The following PRKAG2 variants were observed in gnomAD, a reference collection of about 807,000 sequenced individuals.
The protein encoded by PRKAG2 is protein kinase AMP-activated non-catalytic subunit gamma 2.
PRKAG2 carries 26 observed loss-of-function variants against 69.6 expected under a neutral mutation model. The ratio of observed to expected loss-of-function variants is 0.37; its 90% CI spans 0.27 to 0.52. PRKAG2 has a LOEUF of 0.52. Ranked by LOEUF, PRKAG2 falls within the 20% of genes least tolerant of loss-of-function variation. The probability of loss-of-function intolerance (pLI) is 0.90; values close to 1 mark genes in which losing one functional copy is unlikely to be tolerated. For synonymous variants in PRKAG2, 293 were observed against 285.0 expected, an observed-to-expected ratio of 1.03 and a Z score of -0.28; for missense variants, 557 against 740.0, an observed-to-expected ratio of 0.75 and a Z score of 2.87.
At chr7:151,827,212 G>A (rs771651493) in intron 1 of PRKAG2, among the ~76,000 whole-genome samples, 1 of 152,136 alleles carries the variant, frequency 6.6e-6, no homozygotes, top group African/African-American at 2.4e-5. Flanking sequence ...AGTGGGAACT[G>A]GGATTTTTAT....
intron 4 of PRKAG2, among the ~76,000 whole-genome samples, chr7:151,668,897 A>G (rs1231255153): frequency 6.6e-6 from 1 of 152,212 alleles, no homozygotes; most frequent in African/African-American, 2.4e-5. Flanking sequence ...TTCCTAGGAG[A>G]AAAAGATGGG....
intron 1 of PRKAG2, among the ~76,000 whole-genome samples, chr7:151,870,136 G>GAT (rs2151913234): frequency 7.7e-6 from 1 of 129,560 alleles, no homozygotes; most frequent in Admixed American, 8.2e-5. Flanking sequence ...TAGATAGATA[G>GAT]ATAGATAGAT....
chr7:151,669,893 C>CACACCTGCATGCACAT, intron 4 of PRKAG2, among the ~76,000 whole-genome samples: 1 of 151,696 alleles, frequency 6.6e-6, no homozygotes, highest in African/African-American at 2.4e-5. Context: ...TGCATGCACA[C>CACACCTGCATGCACAT]ACACCTGCAT....
intron 4 of PRKAG2, among the ~76,000 whole-genome samples, chr7:151,667,972 T>G (rs1264579983): frequency 6.6e-6 from 1 of 152,230 alleles, no homozygotes; most frequent in African/African-American, 2.4e-5. Flanking sequence ...GAAAAACTGA[T>G]GTAGTATCAG....
intron 4 of PRKAG2, among the ~76,000 whole-genome samples, chr7:151,656,953 A>G (rs982295070): frequency 6.6e-6 from 1 of 152,128 alleles, no homozygotes. Context: ...CCTGGCCAAC[A>G]TGGTGAAACC....
chr7:151,565,227 C>T, intron 13 of PRKAG2, 119 bp downstream of exon 13: 1 of 858,028 alleles, frequency 1.2e-6, no homozygotes, highest in Non-Finnish European at 1.7e-6. Flanking sequence ...ATAATATCCT[C>T]ACACCCCAAA....
chr7:151,690,445 C>T (rs2536085), intron 3 of PRKAG2, among the ~76,000 whole-genome samples: 101,463 of 152,046 alleles, frequency 0.67, 34,486 homozygotes, highest in Middle Eastern at 0.77. Context: ...TGCTCTTCCC[C>T]GAAAGGTTCC....
chr7:151,799,654 C>T (rs1254843349), intron 1 of PRKAG2, among the ~76,000 whole-genome samples: 2 of 152,222 alleles, frequency 1.3e-5, no homozygotes, highest in Non-Finnish European at 2.9e-5. Flanking sequence ...CCTGTCGTGT[C>T]CTCCAGACTG....
chr7:151,756,466 C>T lies in PRKAG2; in HGVS notation c.466+24686G>A, dbSNP rs1042354064. On this transcript the variant is annotated intron_variant, in intron 3 of 15. Coordinates refer to ENST00000287878, the MANE Select transcript of PRKAG2 (RefSeq NM_016203.4). The surrounding 1 kb of genome is among the most constrained non-coding windows in gnomAD (Gnocchi z 4.9). ...GCAACGACTCAGTGGTGCCTCCAGG[C>T]GAGCGGGTACCTGCGCTGCTCTCAT... is the stretch of plus-strand genomic sequence containing the variant. Among the ~76,000 whole-genome samples, 8 of 152,226 alleles carry T rather than the reference C, an allele frequency of 5.3e-5. No homozygotes were observed. The South Asian group carries it at 8.3e-4, about 16-fold the overall frequency.
intron 1 of PRKAG2, among the ~76,000 whole-genome samples, chr7:151,791,847 G>A (rs1013773296): frequency 1.3e-5 from 2 of 152,200 alleles, no homozygotes; most frequent in Admixed American, 6.5e-5. Flanking sequence ...ACATTAGTAT[G>A]TCCTTCTGAA....
rs192583664 is a variant in PRKAG2 at position 151,809,084 on chromosome 7, G to T, written c.115-22543C>A. 5.4e-3 allele frequency among the ~76,000 whole-genome samples: 826 copies of T among 152,352 alleles called. 7 individuals carry two copies. Among genetic ancestry groups the T allele is most frequent in the Middle Eastern group, 0.014 (4 of 294 alleles). On this transcript the variant is annotated intron_variant, in intron 1 of 15. Coordinates refer to ENST00000287878, the MANE Select transcript of PRKAG2 (RefSeq NM_016203.4). The stretch of plus-strand genomic sequence containing the variant: ...TACGCCTTGCACGGATGAGTATGGG[G>T]TGACTCAGAGGGAAGGGGTGGTGGC...
chr7:151,814,976 G>T lies in PRKAG2; in HGVS notation c.115-28435C>A. On this transcript the variant is annotated intron_variant, in intron 1 of 15. Transcript: ENST00000287878. The surrounding 1 kb of genome is among the most constrained non-coding windows in gnomAD (Gnocchi z 4.8). ...AGGAGCAGAGGCCGATGATGCAGCA[G>T]TGGACAGCTCTGGGCTCCAGGTCCT... The T allele has an allele frequency of 1.3e-6, 1 of 796,846 alleles. No homozygotes were observed. The highest frequency in any genetic ancestry group is 1.7e-6 in the Non-Finnish European group (1 of 591,670). 49.4% of individuals were successfully genotyped at this position (796,846 alleles called of 1,614,324 possible).
chr7:151,708,793 TG>T (rs1405899183), intron 3 of PRKAG2, among the ~76,000 whole-genome samples: 1 of 152,192 alleles, frequency 6.6e-6, no homozygotes, highest in Non-Finnish European at 1.5e-5. Context: ...GGAGTGCCCT[TG>T]GTGAGGCAGG....
intron 4 of PRKAG2, among the ~76,000 whole-genome samples, chr7:151,667,143 G>T (rs146103676): frequency 6.6e-6 from 1 of 152,130 alleles, no homozygotes; most frequent in Non-Finnish European, 1.5e-5. Context: ...CTGATGAGCC[G>T]CCCCAGCTTA....
chr7:151,569,198 G>A (rs1806975174), intron 10 of PRKAG2, among the ~76,000 whole-genome samples: 1 of 152,144 alleles, frequency 6.6e-6, no homozygotes, highest in African/African-American at 2.4e-5. Context: ...CTACAGGCAT[G>A]CGCCACCTTT....
chr7:151,649,405 T>C (rs1171523100), intron 4 of PRKAG2, among the ~76,000 whole-genome samples: 4 of 152,156 alleles, frequency 2.6e-5, no homozygotes, highest in African/African-American at 9.7e-5. Flanking sequence ...GGATTACAGG[T>C]GTGAACCACC....
At chr7:151,613,835 GCT>G (rs1377533238) in intron 5 of PRKAG2, among the ~76,000 whole-genome samples, 1 of 135,230 alleles carries the variant, frequency 7.4e-6, no homozygotes, top group African/African-American at 2.9e-5. Context: ...ATGGAGTCTC[GCT>G]CTGTTGCCCA....
chr7:151,853,382 A>G (rs370949248), intron 1 of PRKAG2, among the ~76,000 whole-genome samples: 37 of 152,162 alleles, frequency 2.4e-4, no homozygotes, highest in Admixed American at 1.0e-3. Flanking sequence ...TAATTTACGT[A>G]TATGTTTTTC....
chr7:151,666,252 C>T (rs1371676468), intron 4 of PRKAG2, among the ~76,000 whole-genome samples: 2 of 152,182 alleles, frequency 1.3e-5, no homozygotes, highest in Non-Finnish European at 2.9e-5. Context: ...TATTTGCAGA[C>T]AGAGCCTTTA....
Sources: gnomAD v4.1 joint callset for allele counts (sites outside exome capture counted in the v4.1 genomes callset) on GRCh38, gnomAD v4.1.1 for gene constraint, Gnocchi (gnomAD v3.1) non-coding constraint, MANE v1.5 for transcripts, NCBI Gene and HGNC (gene_info 2026-07-23, HGNC 2026-07-21) for gene names.